GPR39: variants seen among roughly 807,000 people sequenced by gnomAD.
GPR39 encodes zinc sensing receptor.
In GPR39, 23 loss-of-function variants were observed where a neutral mutation model predicts 18.4. The observed-to-expected ratio is 1.25, with a 90% CI of 0.90 to 1.77. GPR39 has a LOEUF of 1.77. Among genes scored for constraint, GPR39 ranks in the 40% most tolerant of loss-of-function variants. The probability of loss-of-function intolerance (pLI) is 0.00; values close to 1 mark genes in which losing one functional copy is unlikely to be tolerated. For missense variants in GPR39, 647 were observed against 602.4 expected, an observed-to-expected ratio of 1.07 and a Z score of -0.78; for synonymous variants, 280 against 257.9, an observed-to-expected ratio of 1.09 and a Z score of -0.82.
At chr2:132,427,430 G>A (rs941763017) in intron 1 of GPR39, among the ~76,000 whole-genome samples, 10 of 150,218 alleles carry the variant, frequency 6.7e-5, no homozygotes, top group Non-Finnish European at 4.4e-5. Flanking sequence ...CAAAGTGCTG[G>A]GATTACAGGC....
At chr2:132,510,729 A>G (rs1042885303) in intron 1 of GPR39, among the ~76,000 whole-genome samples, 3 of 152,182 alleles carry the variant, frequency 2.0e-5, no homozygotes, top group African/African-American at 7.2e-5. Flanking sequence ...TACTGCCATA[A>G]TAGATCTGAT....
intron 1 of GPR39, among the ~76,000 whole-genome samples, chr2:132,435,447 G>A (rs181480220): frequency 1.3e-5 from 2 of 152,266 alleles, no homozygotes; most frequent in Admixed American, 1.3e-4. Flanking sequence ...TTTATGGTAT[G>A]TATACAATAC....
rs761843800 is a variant in GPR39, at chr2:132,645,417, G to A, written c.1173G>A (p.Pro391=). 15 of 1,613,434 alleles carry A rather than the reference G, an allele frequency of 9.3e-6. No homozygotes were observed. The highest frequency in any genetic ancestry group is 3.3e-5 in the Admixed American group (2 of 60,012). The change falls in exon 2 of 2, where the codon CCG becomes CCA. Residue 391 remains proline, a synonymous_variant. Transcript: ENST00000329321. ...TTDSARFVQR[P]LLFASRRQSS... is the part of the protein sequence containing the mutation. Reference sequence around the variant, plus strand: ...ACAGCGCCCGCTTTGTGCAGCGCCCGTTGCTCTTCGCGTCCCGGCGCCAGT... The same window carrying A: ...ACAGCGCCCGCTTTGTGCAGCGCCCATTGCTCTTCGCGTCCCGGCGCCAGT...
intron 1 of GPR39, among the ~76,000 whole-genome samples, chr2:132,468,225 C>T (rs536696362): frequency 6.6e-6 from 1 of 152,260 alleles, no homozygotes; most frequent in Non-Finnish European, 1.5e-5. Context: ...TATATAAATG[C>T]AGATGCAACA....
At chr2:132,475,877 C>T (rs563714123) in intron 1 of GPR39, among the ~76,000 whole-genome samples, 1 of 152,184 alleles carries the variant, frequency 6.6e-6, no homozygotes, top group African/African-American at 2.4e-5. Flanking sequence ...TTCACACTCC[C>T]ATCCTCATAG....
intron 1 of GPR39, among the ~76,000 whole-genome samples, chr2:132,535,703 T>C (rs558748220): frequency 2.8e-5 from 4 of 143,342 alleles, no homozygotes; most frequent in Non-Finnish European, 3.1e-5. Flanking sequence ...GGCTTTTTTT[T>C]TTTGGTTGGT....
intron 1 of GPR39, among the ~76,000 whole-genome samples, chr2:132,584,638 G>A (rs1294881598): frequency 6.6e-6 from 1 of 151,764 alleles, no homozygotes; most frequent in African/African-American, 2.4e-5. Context: ...AAAAAAAAAC[G>A]TAGTTACATT....
At chr2:132,586,434 GC>G (rs1680734066) in intron 1 of GPR39, among the ~76,000 whole-genome samples, 1 of 152,134 alleles carries the variant, frequency 6.6e-6, no homozygotes, top group African/African-American at 2.4e-5. Context: ...TCCCTTGCTA[GC>G]CTCTCTTCCT....
chr2:132,511,528 G>A (rs1679241314), intron 1 of GPR39, among the ~76,000 whole-genome samples: 1 of 152,194 alleles, frequency 6.6e-6, no homozygotes, highest in African/African-American at 2.4e-5. Flanking sequence ...AAGATCGTAT[G>A]TTAGTGTGAG....
chr2:132,447,401 C>T (rs1027393111), intron 1 of GPR39, among the ~76,000 whole-genome samples: 5 of 152,264 alleles, frequency 3.3e-5, no homozygotes, highest in African/African-American at 7.2e-5. Flanking sequence ...GCTGACATTT[C>T]GTTACAATTT....
intron 1 of GPR39, among the ~76,000 whole-genome samples, chr2:132,564,100 C>A (rs532576380): frequency 1.3e-5 from 2 of 152,368 alleles, no homozygotes; most frequent in African/African-American, 4.8e-5. Flanking sequence ...AGCAACCCAA[C>A]CTGTCAGGAA....
At chr2:132,520,944 G>A (rs532942375) in intron 1 of GPR39, among the ~76,000 whole-genome samples, 1 of 152,322 alleles carries the variant, frequency 6.6e-6, no homozygotes, top group African/African-American at 2.4e-5. Context: ...GTTGTAAGTA[G>A]AAGAAAATTC....
At chr2:132,443,250 TATATA>T (rs1162654067) in intron 1 of GPR39, among the ~76,000 whole-genome samples, 1 of 152,230 alleles carries the variant, frequency 6.6e-6, no homozygotes, top group East Asian at 1.9e-4. Context: ...GTGAAACAAA[TATATA>T]ATAACTTATG....
intron 1 of GPR39, among the ~76,000 whole-genome samples, chr2:132,493,536 CAT>C (rs146388065): frequency 4.8e-5 from 6 of 126,010 alleles, no homozygotes; most frequent in Admixed American, 1.6e-4. Flanking sequence ...ATACACACAC[CAT>C]ATATATATAT....
At position 132,500,396 on chromosome 2, in the gene GPR39, T is replaced by C. The variant is rs574725038; in HGVS notation, c.856+82498T>C. 3.9e-5 allele frequency among the ~76,000 whole-genome samples: 6 copies of C among 152,318 alleles called. No homozygotes were observed. In the South Asian group the frequency reaches 1.2e-3, roughly 32 times the overall value. The stretch of plus-strand genomic sequence containing the variant: ...TGTATCACACTTATTGACTTATATA[T>C]GTTGAAACATTCCTGCATCCCTGGT... On this transcript the variant is annotated intron_variant, in intron 1 of 1. Coordinates refer to ENST00000329321, the MANE Select transcript of GPR39 (RefSeq NM_001508.3).
chr2:132,488,878 T>C (rs1681398945), intron 1 of GPR39: 1 of 157,616 alleles, frequency 6.3e-6, no homozygotes, highest in African/African-American at 2.5e-5. Context: ...CAAGGGAGGG[T>C]GGGAATACTG....
chr2:132,559,739 G>T (rs948045806), intron 1 of GPR39, among the ~76,000 whole-genome samples: 2 of 152,112 alleles, frequency 1.3e-5, no homozygotes, highest in African/African-American at 4.8e-5. Flanking sequence ...AAATACTGTC[G>T]TTGGAAAAGG....
At chr2:132,496,281 T>A (rs1186177785) in intron 1 of GPR39, among the ~76,000 whole-genome samples, 1 of 152,194 alleles carries the variant, frequency 6.6e-6, no homozygotes. Flanking sequence ...CCTGGCTCAG[T>A]GTATTTGGGT....
chr2:132,469,058 A>C (rs1448559109), intron 1 of GPR39, among the ~76,000 whole-genome samples: 1 of 152,196 alleles, frequency 6.6e-6, no homozygotes, highest in Non-Finnish European at 1.5e-5. Context: ...GAAGTTGTTC[A>C]GTTGATTCAA....
Sources: gnomAD v4.1 joint callset for allele counts (sites outside exome capture counted in the v4.1 genomes callset) on GRCh38, gnomAD v4.1.1 for gene constraint, MANE v1.5 for transcripts, NCBI Gene and HGNC (gene_info 2026-07-23, HGNC 2026-07-21) for gene names.